The following GPHN variants were observed in gnomAD, a reference collection of about 807,000 sequenced individuals.
The protein encoded by GPHN is gephyrin.
Under a neutral mutation model 95.5 loss-of-function variants are expected in GPHN, and 17 were observed. The ratio of observed to expected loss-of-function variants is 0.18; its 90% CI spans 0.12 to 0.27. The LOEUF (loss-of-function observed/expected upper bound fraction) is 0.27, where lower values mean the gene tolerates loss of function less well. Among genes scored for constraint, GPHN ranks in the 10% least tolerant of loss-of-function variants. The probability of loss-of-function intolerance (pLI) is 1.00; values close to 1 mark genes in which losing one functional copy is unlikely to be tolerated. For missense variants in GPHN, 660 were observed against 978.1 expected, an observed-to-expected ratio of 0.67 and a Z score of 4.34; for synonymous variants, 320 against 322.5, an observed-to-expected ratio of 0.99 and a Z score of 0.08.
chr14:66,686,208 T>G lies in GPHN; in HGVS notation c.143+5023T>G, dbSNP rs945084642. ...TGCCTCCAGCTTTGTTCTTTTGGCT[T>G]AGGATTGACTTGGCAATGTGGGCTC... On this transcript the variant is annotated intron_variant, in intron 2 of 22. Coordinates refer to ENST00000478722, the MANE Select transcript of GPHN (RefSeq NM_020806.5). Among the ~76,000 whole-genome samples the G allele has an allele frequency of 5.6e-4, 86 of 152,308 alleles. 3 individuals carry two copies. The highest frequency in any genetic ancestry group is 2.0e-3 in the African/African-American group (84 of 41,578).
the GPHN span, among the ~76,000 whole-genome samples, chr14:67,640,324 G>C: frequency 3.9e-5 from 6 of 152,246 alleles, no homozygotes; most frequent in South Asian, 8.3e-4. Flanking sequence ...AATTCTTGCT[G>C]TAGGTGTATC....
chr14:67,285,851 CAG>C, the GPHN span, among the ~76,000 whole-genome samples: 2 of 152,100 alleles, frequency 1.3e-5, no homozygotes, highest in African/African-American at 2.4e-5. Flanking sequence ...GGAGGGAGGA[CAG>C]AGTTTACGAG....
At chr14:67,271,253 CCTTTA>C in the GPHN span, 10 of 152,128 alleles carry the variant, frequency 6.6e-5, no homozygotes, top group African/African-American at 1.7e-4. Flanking sequence ...CCCATATTTC[CCTTTA>C]CTTCTATCTG....
At chr14:66,573,208 C>G (rs2060767190) in intron 1 of GPHN, among the ~76,000 whole-genome samples, 1 of 152,088 alleles carries the variant, frequency 6.6e-6, no homozygotes, top group African/African-American at 2.4e-5. Context: ...TCTGTGAGGT[C>G]CAATTTGGTC....
chr14:66,631,976 G>A (rs1385017539), intron 1 of GPHN, among the ~76,000 whole-genome samples: 1 of 151,988 alleles, frequency 6.6e-6, no homozygotes, highest in African/African-American at 2.4e-5. Flanking sequence ...CTGCTACCTT[G>A]TTCCCAATCC....
chr14:66,703,497 C>G (rs935884943), intron 2 of GPHN, among the ~76,000 whole-genome samples: 1 of 152,210 alleles, frequency 6.6e-6, no homozygotes, highest in Non-Finnish European at 1.5e-5. Flanking sequence ...ATTCAACATT[C>G]TTAAAGAAAA....
chr14:67,104,693 G>A (rs552139282), intron 13 of GPHN, among the ~76,000 whole-genome samples: 1 of 152,250 alleles, frequency 6.6e-6, no homozygotes, highest in East Asian at 1.9e-4. Flanking sequence ...TGTAGTATCA[G>A]TTGTAATGCC....
the GPHN span, among the ~76,000 whole-genome samples, chr14:67,408,922 C>T: frequency 6.6e-6 from 1 of 151,834 alleles, no homozygotes; most frequent in African/African-American, 2.4e-5. Flanking sequence ...TCAGTTTTTT[C>T]GCCACATAAA....
the GPHN span, among the ~76,000 whole-genome samples, chr14:67,509,158 G>GA: frequency 2.6e-5 from 4 of 152,162 alleles, no homozygotes; most frequent in African/African-American, 9.7e-5. Context: ...ATGCCAAGCA[G>GA]AAAGCGTGTT....
intron 8 of GPHN, among the ~76,000 whole-genome samples, chr14:66,959,954 T>G (rs542920438): frequency 6.6e-5 from 10 of 152,214 alleles, no homozygotes; most frequent in Admixed American, 3.3e-4. Context: ...TTTATTTTTT[T>G]TCTTTCTGAT....
the GPHN span, among the ~76,000 whole-genome samples, chr14:67,237,021 C>T: frequency 5.3e-5 from 8 of 151,856 alleles, no homozygotes; most frequent in East Asian, 3.9e-4. Flanking sequence ...ACCCGGGAGG[C>T]GGAGGTTGCA....
chr14:66,789,950 CATAAG>C (rs886764751), intron 3 of GPHN, among the ~76,000 whole-genome samples: 8 of 152,064 alleles, frequency 5.3e-5, no homozygotes, highest in African/African-American at 2.4e-5. Flanking sequence ...AAATAAAAAA[CATAAG>C]ATAACGTAAT....
intron 9 of GPHN, chr14:66,969,364 C>G (rs1288950307): frequency 6.6e-5 from 10 of 152,094 alleles, no homozygotes; most frequent in Admixed American, 6.6e-4. Context: ...GACTCAAGTT[C>G]TAAAATAATG....
the GPHN span, chr14:67,360,230 C>G: frequency 2.5e-6 from 1 of 400,212 alleles, no homozygotes; most frequent in African/African-American, 2.1e-5. Flanking sequence ...CTTCCATGAT[C>G]TACATTCGTC....
chr14:66,791,321 G>T (rs2059963348), intron 3 of GPHN, among the ~76,000 whole-genome samples: 1 of 152,192 alleles, frequency 6.6e-6, no homozygotes, highest in South Asian at 2.1e-4. Flanking sequence ...TCCTGATCCA[G>T]CCCCAAGAGA....
intron 1 of GPHN, among the ~76,000 whole-genome samples, chr14:66,677,071 T>G (rs978941046): frequency 2.6e-5 from 4 of 152,078 alleles, no homozygotes; most frequent in Non-Finnish European, 4.4e-5. Context: ...AATTTCTTAG[T>G]GTGCAGTTGT....
At chr14:66,974,651 T>G (rs930055057) in intron 9 of GPHN, among the ~76,000 whole-genome samples, 2 of 152,114 alleles carry the variant, frequency 1.3e-5, no homozygotes, top group Admixed American at 1.3e-4. Flanking sequence ...TTAAAAAAAA[T>G]GTACTTACTC....
the GPHN span, chr14:67,320,145 AT>A: frequency 1.5e-6 from 2 of 1,301,856 alleles, no homozygotes. Context: ...CTTTTGTCTA[AT>A]TTTGGGTGAA....
chr14:67,439,242 G>C, the GPHN span, among the ~76,000 whole-genome samples: 1 of 152,194 alleles, frequency 6.6e-6, no homozygotes, highest in Non-Finnish European at 1.5e-5. Context: ...CAGTGAGCTA[G>C]CTTTTTAATT....
Sources: gnomAD v4.1 joint callset for allele counts (sites outside exome capture counted in the v4.1 genomes callset) on GRCh38, gnomAD v4.1.1 for gene constraint, MANE v1.5 for transcripts, NCBI Gene and HGNC (gene_info 2026-07-23, HGNC 2026-07-21) for gene names.